IRAK3: variants seen among roughly 807,000 people sequenced by gnomAD.
IRAK3 encodes interleukin 1 receptor associated kinase 3.
IRAK3 carries 57 observed loss-of-function variants against 56.6 expected under a neutral mutation model. That is an observed-to-expected ratio of 1.01 (90% CI 0.81 to 1.26). The LOEUF (loss-of-function observed/expected upper bound fraction) is 1.26, where lower values mean the gene tolerates loss of function less well. IRAK3 is among the 50% of genes most tolerant of loss of function. IRAK3 has a pLI of 0.00. For synonymous variants in IRAK3, 258 were observed against 255.7 expected, an observed-to-expected ratio of 1.01 and a Z score of -0.09; for missense variants, 703 against 719.0, an observed-to-expected ratio of 0.98 and a Z score of 0.25.
chr12:66,226,396 C>T (rs540228993), intron 6 of IRAK3, among the ~76,000 whole-genome samples: 1 of 152,038 alleles, frequency 6.6e-6, no homozygotes, highest in Non-Finnish European at 1.5e-5. Context: ...TGCTCACCAC[C>T]ATGCCCAGCT....
chr12:66,194,038 C>G (rs1209190724), intron 1 of IRAK3, among the ~76,000 whole-genome samples: 1 of 152,160 alleles, frequency 6.6e-6, no homozygotes, highest in Non-Finnish European at 1.5e-5. Context: ...AGTGATCCTT[C>G]CCACCTCAGA....
intron 5 of IRAK3, among the ~76,000 whole-genome samples, chr12:66,212,466 C>T (rs955747017): frequency 2.0e-5 from 3 of 152,136 alleles, no homozygotes; most frequent in Non-Finnish European, 2.9e-5. Context: ...AGCTGCTCTT[C>T]GTTTTCTTCA....
At chr12:66,240,772 C>G (rs1196946095) in intron 8 of IRAK3, among the ~76,000 whole-genome samples, 1 of 150,868 alleles carries the variant, frequency 6.6e-6, no homozygotes, top group Admixed American at 6.6e-5. Context: ...TTCCAGGCAC[C>G]CAGGCGCTGG....
At chr12:66,205,185 G>C (rs943157440) in intron 2 of IRAK3, among the ~76,000 whole-genome samples, 3 of 152,116 alleles carry the variant, frequency 2.0e-5, no homozygotes, top group African/African-American at 7.2e-5. Flanking sequence ...TCAGTGTTCT[G>C]GAATAAATTT....
chr12:66,244,459 C>T, intron 8 of IRAK3, 27 bp from the exon 9 acceptor site: 2 of 1,571,696 alleles, frequency 1.3e-6, no homozygotes, highest in Non-Finnish European at 1.8e-6. Context: ...GATATTTTGT[C>T]TTGTTTGTCC....
Position 66,251,813 on chromosome 12 carries a change from A to C in IRAK3, c.*3642A>C, listed in dbSNP as rs1286544928. ...CACTGCATTAGCTACTAAGGTACAA[A>C]GTAAGACACAGTTTAATAAGGAAGA... is the stretch of plus-strand genomic sequence containing the variant. On this transcript the variant is annotated 3_prime_UTR_variant, in exon 12 of 12. Transcript: ENST00000261233. 6.6e-6 allele frequency: 1 copy of C among 152,242 alleles called. No homozygotes were observed. Among genetic ancestry groups the C allele is most frequent in the Non-Finnish European group, 1.5e-5 (1 of 68,058 alleles). 9.4% of individuals were successfully genotyped at this position (152,242 alleles called of 1,614,324 possible).
Position 66,250,651 on chromosome 12 carries a change from C to T in IRAK3, c.*2480C>T, listed in dbSNP as rs949869593. ...CTTAGAATATGGACCCCCACCAATACATTCAATGAAGGGTCATTAAGGAAG... is the reference window on the plus strand; with the variant it reads ...CTTAGAATATGGACCCCCACCAATATATTCAATGAAGGGTCATTAAGGAAG... On this transcript the variant is annotated 3_prime_UTR_variant, in exon 12 of 12. Coordinates refer to ENST00000261233, the MANE Select transcript of IRAK3 (RefSeq NM_007199.3). 1 of 152,240 alleles carries T rather than the reference C, an allele frequency of 6.6e-6. No homozygotes were observed. The highest frequency in any genetic ancestry group is 1.5e-5 in the Non-Finnish European group (1 of 68,054). 9.4% of individuals were successfully genotyped at this position (152,240 alleles called of 1,614,324 possible). A position where few individuals can be genotyped will look rare whatever the true frequency, so the allele number is the denominator to read the frequency against.
At chr12:66,191,065 A>G (rs925313943) in intron 1 of IRAK3, among the ~76,000 whole-genome samples, 1 of 152,164 alleles carries the variant, frequency 6.6e-6, no homozygotes, top group South Asian at 2.1e-4. Flanking sequence ...AGCCAGCACC[A>G]TTGCTTGTGT....
chr12:66,191,786 G>A (rs2052402244), intron 1 of IRAK3, among the ~76,000 whole-genome samples: 1 of 152,188 alleles, frequency 6.6e-6, no homozygotes, highest in Admixed American at 6.5e-5. Context: ...GAGTGACAGA[G>A]GACTGAATCA....
chr12:66,197,349 A>G (rs543648736), intron 1 of IRAK3: 6 of 1,014,538 alleles, frequency 5.9e-6, no homozygotes, highest in Non-Finnish European at 7.1e-6. Context: ...CGTAAGGGAG[A>G]GTTGAAGAAA....
At chr12:66,234,626 A>C in intron 8 of IRAK3, 1 of 1,611,712 alleles carries the variant, frequency 6.2e-7, no homozygotes. Flanking sequence ...TCCATCAGAA[A>C]ACTTACACAA....
chr12:66,191,808 C>CT (rs1157864968), intron 1 of IRAK3, among the ~76,000 whole-genome samples: 1 of 152,110 alleles, frequency 6.6e-6, no homozygotes, highest in Non-Finnish European at 1.5e-5. Flanking sequence ...AGAGGCAGTC[C>CT]TTTGTATGCT....
intron 8 of IRAK3, among the ~76,000 whole-genome samples, chr12:66,242,462 A>T (rs1483566431): frequency 6.6e-6 from 1 of 152,198 alleles, no homozygotes; most frequent in Non-Finnish European, 1.5e-5. Context: ...ATGTCAGGAT[A>T]GTCAACAGTT....
In IRAK3 at chr12:66,252,425, A is replaced by T. The variant is rs1157111539; in HGVS notation, c.*4254A>T. 6.6e-6 allele frequency: 1 copy of T among 152,208 alleles called. No individual in the cohort carries two copies. Among genetic ancestry groups the T allele is most frequent in the Non-Finnish European group, 1.5e-5 (1 of 68,026 alleles). The allele number at this position is 152,208 out of a possible 1,614,324, so 9.4% of individuals were successfully genotyped here. ...ATGTGAAAAGTCATTTGTTGATTCCACAGATTTTTAGTAGGTACCATGTCT... is the reference window on the plus strand; with the variant it reads ...ATGTGAAAAGTCATTTGTTGATTCCTCAGATTTTTAGTAGGTACCATGTCT... On this transcript the variant is annotated 3_prime_UTR_variant, in exon 12 of 12. Transcript: ENST00000261233.
At chr12:66,230,881 A>G (rs1402391319) in intron 8 of IRAK3, among the ~76,000 whole-genome samples, 1 of 152,218 alleles carries the variant, frequency 6.6e-6, no homozygotes, top group African/African-American at 2.4e-5. Flanking sequence ...TGTTTAAATC[A>G]GAGAGACCTT....
chr12:66,248,216 C>A lies in IRAK3; in HGVS notation c.*45C>A. 1 of 1,389,050 alleles carries A rather than the reference C, an allele frequency of 7.2e-7. No homozygotes were observed. Among genetic ancestry groups the A allele is most frequent in the Non-Finnish European group, 1.0e-6 (1 of 976,602 alleles). 86.0% of individuals were successfully genotyped at this position (1,389,050 alleles called of 1,614,324 possible). A position where few individuals can be genotyped will look rare whatever the true frequency, so the allele number is the denominator to read the frequency against. On this transcript the variant is annotated 3_prime_UTR_variant, in exon 12 of 12. Coordinates refer to ENST00000261233, the MANE Select transcript of IRAK3 (RefSeq NM_007199.3). ...AAAAAAGCAAGTATTGCATAGGCAC[C>A]TGAGCATAGGTATGACCTTGGGAAG... is the stretch of plus-strand genomic sequence containing the variant.
intron 8 of IRAK3, among the ~76,000 whole-genome samples, chr12:66,236,395 C>CAAAAAAAAAAAAAAAAAAAA (rs56074285): frequency 9.1e-6 from 1 of 110,414 alleles, no homozygotes; most frequent in Non-Finnish European, 1.8e-5. Context: ...CTAAAAATAC[C>CAAAAAAAAAAAAAAAAAAAA]AAAAAAAAAA....
At chr12:66,228,794 G>A (rs2052815240) in intron 8 of IRAK3, among the ~76,000 whole-genome samples, 1 of 152,094 alleles carries the variant, frequency 6.6e-6, no homozygotes, top group Non-Finnish European at 1.5e-5. Context: ...AATTGCATGA[G>A]GTAGTCAACA....
chr12:66,209,293 CTTCACAAATAATACT>C (rs1486795178), intron 2 of IRAK3, among the ~76,000 whole-genome samples, 148 bp from the exon 3 acceptor site: 10 of 152,074 alleles, frequency 6.6e-5, no homozygotes, highest in Non-Finnish European at 1.3e-4. Flanking sequence ...AAATATAATA[CTTCACAAATAATACT>C]TTCACAAATT....
Sources: gnomAD v4.1 joint callset for allele counts (sites outside exome capture counted in the v4.1 genomes callset) on GRCh38, gnomAD v4.1.1 for gene constraint, MANE v1.5 for transcripts, NCBI Gene and HGNC (gene_info 2026-07-23, HGNC 2026-07-21) for gene names.